Variants in RBFOX1 observed in about 807,000 individuals in gnomAD.
The protein encoded by RBFOX1 is RNA binding fox-1 homolog 1.
Under a neutral mutation model 57.7 loss-of-function variants are expected in RBFOX1, and 8 were observed. The observed-to-expected ratio is 0.14, with a 90% CI of 0.08 to 0.25. The LOEUF (loss-of-function observed/expected upper bound fraction) is 0.25. Among genes scored for constraint, RBFOX1 ranks in the 10% least tolerant of loss-of-function variants. The probability of loss-of-function intolerance (pLI) is 1.00; values close to 1 mark genes in which losing one functional copy is unlikely to be tolerated. For missense variants in RBFOX1, 611 were observed against 548.5 expected (o/e 1.11, Z -1.14); for synonymous variants, 326 against 222.4 (o/e 1.47, Z -4.15).
At chr16:6,804,962 T>C (rs2086382931) in intron 3 of RBFOX1, among the ~76,000 whole-genome samples, 1 of 152,224 alleles carries the variant, frequency 6.6e-6, no homozygotes, top group African/African-American at 2.4e-5. Context: ...AATTAGTTCA[T>C]TGTGAAAAGC....
chr16:6,314,551 G>T (rs2080834512), intron 1 of RBFOX1, among the ~76,000 whole-genome samples: 2 of 152,220 alleles, frequency 1.3e-5, no homozygotes, highest in Non-Finnish European at 1.5e-5. Flanking sequence ...ATGAGAGAAG[G>T]TTGTAATCGA....
rs557551267 is a variant in RBFOX1 at position 5,808,109 on chromosome 16, C to G, written c.319-59194C>G. Among the ~76,000 whole-genome samples the G allele has an allele frequency of 3.1e-4, 47 of 152,262 alleles. 2 individuals carry two copies. The South Asian group carries it at 9.3e-3, about 30-fold the overall frequency. On this transcript the variant is annotated intron_variant, in intron 3 of 19. Transcript: ENST00000641259. ...GCTGAAGTCCTAGCTCCTGGTATAT[C>G]AGAATGTGACTATGTATGGAGATAG...
intron 4 of RBFOX1, among the ~76,000 whole-genome samples, chr16:7,378,566 T>C (rs991253376): frequency 4.6e-5 from 7 of 152,202 alleles, no homozygotes; most frequent in Admixed American, 6.5e-5. Context: ...AGCCTAGGGA[T>C]GCATTTAATC....
intron 1 of RBFOX1, among the ~76,000 whole-genome samples, chr16:6,135,087 C>T (rs1167090562): frequency 4.6e-5 from 7 of 151,978 alleles, no homozygotes; most frequent in Non-Finnish European, 1.0e-4. Flanking sequence ...TGAGTGAGAA[C>T]ATGTGGTGTT....
chr16:5,701,086 C>T (rs1428571081), intron 3 of RBFOX1, among the ~76,000 whole-genome samples: 1 of 150,962 alleles, frequency 6.6e-6, no homozygotes, highest in Non-Finnish European at 1.5e-5. Flanking sequence ...CCCATTTCTT[C>T]TTGCCCTGAT....
rs868666733 is a variant in RBFOX1, at chr16:6,478,438, T to A, written c.-64+161381T>A. The stretch of plus-strand genomic sequence containing the variant: ...ATATATATATATATATATTTTTTTT[T>A]TTTTTTTTTGTATTTTTAGTAGAGA... On this transcript the variant is annotated intron_variant, in intron 2 of 15. Transcript: ENST00000550418. 1.8e-3 allele frequency among the ~76,000 whole-genome samples: 200 copies of A among 112,252 alleles called. 1 individual carries two copies. Among genetic ancestry groups the A allele is most frequent in the African/African-American group, 7.9e-3 (193 of 24,442 alleles). The allele number at this position is 112,252 out of a possible 152,430, so 73.6% of individuals were successfully genotyped here.
At chr16:6,413,458 C>G (rs1361688469) in intron 2 of RBFOX1, among the ~76,000 whole-genome samples, 1 of 152,076 alleles carries the variant, frequency 6.6e-6, no homozygotes, top group African/African-American at 2.4e-5. Flanking sequence ...GCCACTGTGT[C>G]CAGCCAAAAT....
chr16:6,441,217 C>G (rs796906017), intron 2 of RBFOX1, among the ~76,000 whole-genome samples: 7 of 152,030 alleles, frequency 4.6e-5, no homozygotes, highest in African/African-American at 1.7e-4. Flanking sequence ...CCGCTGATCT[C>G]AAGTGAGCCA....
intron 3 of RBFOX1, among the ~76,000 whole-genome samples, chr16:6,735,441 T>G (rs1363074030): frequency 1.3e-5 from 2 of 152,210 alleles, no homozygotes; most frequent in African/African-American, 4.8e-5. Context: ...TTTTCTGTCT[T>G]AGTCTCTGCA....
At chr16:6,804,477 C>G (rs1395864793) in intron 3 of RBFOX1, among the ~76,000 whole-genome samples, 2 of 152,154 alleles carry the variant, frequency 1.3e-5, no homozygotes, top group Non-Finnish European at 2.9e-5. Context: ...TCCAATGGAA[C>G]TAACAGGCTC....
chr16:6,916,289 A>T (rs1038140638), intron 3 of RBFOX1, among the ~76,000 whole-genome samples: 1 of 152,106 alleles, frequency 6.6e-6, no homozygotes, highest in Non-Finnish European at 1.5e-5. Flanking sequence ...TCCACAGGAT[A>T]CCATAGTTTG....
rs188413947 is a variant in RBFOX1, at chr16:6,416,577, G to A, written c.-64+99520G>A. On this transcript the variant is annotated intron_variant, in intron 2 of 15. Coordinates refer to ENST00000550418, the MANE Select transcript of RBFOX1 (RefSeq NM_018723.4). ...GAAACAGATAAGAAAGAGTGGCACC[G>A]AGGCTTCTTGTACAAGGGTGATTGT... Among the ~76,000 whole-genome samples the A allele has an allele frequency of 3.9e-5, 6 of 152,128 alleles. No individual in the cohort carries two copies. In the East Asian group the frequency reaches 1.2e-3, roughly 29 times the overall value.
At chr16:7,195,475 A>G (rs142199674) in intron 4 of RBFOX1, among the ~76,000 whole-genome samples, 3 of 152,186 alleles carry the variant, frequency 2.0e-5, no homozygotes, top group African/African-American at 4.8e-5. Context: ...AAACAGAACA[A>G]CTGACCCAAC....
At chr16:6,751,046 G>A (rs979735695) in intron 3 of RBFOX1, among the ~76,000 whole-genome samples, 2 of 152,154 alleles carry the variant, frequency 1.3e-5, no homozygotes, top group Non-Finnish European at 2.9e-5. Flanking sequence ...ATGTGGGAAA[G>A]AACTAAAAGG....
intron 3 of RBFOX1, among the ~76,000 whole-genome samples, chr16:6,752,020 G>A (rs1009447909): frequency 2.0e-5 from 3 of 152,118 alleles, no homozygotes; most frequent in Non-Finnish European, 4.4e-5. Flanking sequence ...AGGTGACTCA[G>A]TAACAAGTTA....
At chr16:7,262,842 G>A (rs2094971885) in intron 4 of RBFOX1, among the ~76,000 whole-genome samples, 1 of 152,202 alleles carries the variant, frequency 6.6e-6, no homozygotes, top group Admixed American at 6.5e-5. Flanking sequence ...CTCAGATGTG[G>A]GGTGTCAGGA....
chr16:6,929,894 G>A (rs542097555), intron 3 of RBFOX1, among the ~76,000 whole-genome samples: 120 of 152,232 alleles, frequency 7.9e-4, no homozygotes, highest in Non-Finnish European at 1.4e-3. Context: ...AGCCCTTATG[G>A]AGGACAGAAA....
chr16:5,408,503 A>G (rs2066923331), intron 1 of RBFOX1, among the ~76,000 whole-genome samples: 1 of 152,190 alleles, frequency 6.6e-6, no homozygotes, highest in Admixed American at 6.5e-5. Context: ...CACCCAGCCC[A>G]CGTCTGGTTT....
chr16:7,326,400 G>T (rs1332376708), intron 4 of RBFOX1, among the ~76,000 whole-genome samples: 2 of 152,128 alleles, frequency 1.3e-5, no homozygotes, highest in Non-Finnish European at 2.9e-5. Flanking sequence ...TATATAAGCA[G>T]TTTTACTGGG....
Sources: gnomAD v4.1 joint callset for allele counts (sites outside exome capture counted in the v4.1 genomes callset) on GRCh38, gnomAD v4.1.1 for gene constraint, MANE v1.5 for transcripts, NCBI Gene and HGNC (gene_info 2026-07-23, HGNC 2026-07-21) for gene names.